FGD3: variants seen among roughly 807,000 people sequenced by gnomAD.
FGD3 encodes FYVE, RhoGEF and PH domain-containing protein 3.
Under a neutral mutation model 71.8 loss-of-function variants are expected in FGD3, and 45 were observed. The observed-to-expected ratio is 0.63, with a 90% CI of 0.49 to 0.80. FGD3 has a LOEUF of 0.80. Among genes scored for constraint, FGD3 ranks in the 30% least tolerant of loss-of-function variants. The pLI, the probability that FGD3 is intolerant of heterozygous loss-of-function variation, is 0.00. For synonymous variants in FGD3, 378 were observed against 392.8 expected (o/e 0.96, Z 0.44); for missense variants, 844 against 951.5 (o/e 0.89, Z 1.49).
intron 3 of FGD3, among the ~76,000 whole-genome samples, chr9:93,002,546 C>T (rs1005448299): frequency 5.9e-5 from 9 of 152,130 alleles, no homozygotes; most frequent in African/African-American, 2.2e-4. Context: ...CTTTTCTTGG[C>T]TTTATAATGG....
At chr9:92,995,665 T>C (rs1001025568) in intron 3 of FGD3, among the ~76,000 whole-genome samples, 3 of 152,256 alleles carry the variant, frequency 2.0e-5, no homozygotes, top group African/African-American at 7.2e-5. Flanking sequence ...ATCTAGTTTA[T>C]CAAGAGTTTT....
At chr9:92,987,693 G>A (rs537694217) in intron 3 of FGD3, among the ~76,000 whole-genome samples, 119 of 152,144 alleles carry the variant, frequency 7.8e-4, no homozygotes, top group Admixed American at 6.7e-3. Flanking sequence ...TGATTCTTTC[G>A]TGTGGTGGGC....
intron 3 of FGD3, among the ~76,000 whole-genome samples, chr9:92,998,810 T>C (rs1860745814): frequency 6.6e-6 from 1 of 152,194 alleles, no homozygotes; most frequent in South Asian, 2.1e-4. Flanking sequence ...CAGCAAATGT[T>C]GCTGTCTGAT....
chr9:93,013,849 C>T lies in FGD3; in HGVS notation c.1036-3C>T, dbSNP rs753428290. ...TGGTGCCTGAGTCCCATGTCTCTTGCAGGAGAAAATGCACAAGCTCTTGGA... is the reference window on the plus strand; with the variant it reads ...TGGTGCCTGAGTCCCATGTCTCTTGTAGGAGAAAATGCACAAGCTCTTGGA... On this transcript the variant is annotated splice_polypyrimidine_tract_variant and splice_region_variant and intron_variant, in intron 8 of 17. Transcript: ENST00000375482. 10 of 1,612,452 alleles carry T rather than the reference C, an allele frequency of 6.2e-6. No individual in the cohort carries two copies. The Admixed American group carries it at 1.0e-4, about 16-fold the overall frequency.
intron 1 of FGD3, among the ~76,000 whole-genome samples, chr9:92,971,658 CT>C (rs1859539471): frequency 6.9e-6 from 1 of 145,508 alleles, no homozygotes; most frequent in South Asian, 2.2e-4. Context: ...TCACTGCAAC[CT>C]CCGCCTCCAG....
intron 9 of FGD3, among the ~76,000 whole-genome samples, chr9:93,014,706 A>T (rs1373421135): frequency 2.0e-5 from 3 of 152,038 alleles, no homozygotes; most frequent in African/African-American, 7.2e-5. Flanking sequence ...CAGTGGCTCA[A>T]TCTCGGCTCA....
rs1052236955 is a variant in FGD3, at chr9:93,015,739, C to A, written c.1185C>A (p.Phe395Leu). ...CACCTGTGCCATCCCTCTTGCAGTT[C>A]AACAGCATGATCCTTTACTGTGTGC... ...GTPQDRHLFLFNSMILYCVPK... is the reference protein window; with the variant it reads ...GTPQDRHLFLLNSMILYCVPK... The change falls in exon 10 of 18, where the codon TTC (phenylalanine) becomes TTA (leucine). Residue 395 changes from phenylalanine (F) to leucine (L), a missense_variant and splice_region_variant. Coordinates refer to ENST00000375482, the MANE Select transcript of FGD3 (RefSeq NM_001083536.2). The A allele has an allele frequency of 4.5e-5, 72 of 1,614,124 alleles. No individual in the cohort carries two copies. The highest frequency in any genetic ancestry group is 6.0e-5 in the Non-Finnish European group (71 of 1,179,982).
rs1462840131 is a variant in FGD3 at position 93,003,275 on chromosome 9, C to T, written c.543+261C>T. 6.6e-6 allele frequency among the ~76,000 whole-genome samples: 1 copy of T among 152,140 alleles called. No homozygotes were observed. The highest frequency in any genetic ancestry group is 2.4e-5 in the African/African-American group (1 of 41,422). On this transcript the variant is annotated intron_variant, in intron 4 of 17. Coordinates refer to ENST00000375482, the MANE Select transcript of FGD3 (RefSeq NM_001083536.2). This position sits in a 1 kb window ranked among gnomAD's most constrained non-coding sequence, Gnocchi z 4.1. ...TCCCGAGTAGCTGGGACTACAGGCA[C>T]ATGCCACCACGCCCAGCTAATTTTT... is the stretch of plus-strand genomic sequence containing the variant.
chr9:93,004,413 G>T (rs1039067628), intron 5 of FGD3, among the ~76,000 whole-genome samples: 6 of 152,186 alleles, frequency 3.9e-5, no homozygotes, highest in African/African-American at 1.4e-4. Context: ...ACTAAAATGA[G>T]GTTTGACATC....
intron 14 of FGD3, among the ~76,000 whole-genome samples, chr9:93,029,404 T>C (rs762869102): frequency 2.6e-5 from 4 of 152,128 alleles, no homozygotes; most frequent in African/African-American, 7.2e-5. Context: ...CCTATATTCA[T>C]CCATGTGGCG....
At chr9:93,006,934 A>G (rs1323255398) in intron 6 of FGD3, among the ~76,000 whole-genome samples, 1 of 151,042 alleles carries the variant, frequency 6.6e-6, no homozygotes, top group Non-Finnish European at 1.5e-5. Flanking sequence ...TCACTGTGTT[A>G]GCCAGGATGG....
At chr9:93,013,806 G>A in intron 8 of FGD3, 46 bp from the exon 9 acceptor site, 1 of 1,608,228 alleles carries the variant, frequency 6.2e-7, no homozygotes, top group South Asian at 1.1e-5. Flanking sequence ...TAGGTCACCA[G>A]CCACTCTCAC....
chr9:93,023,269 C>T (rs1020483977), intron 14 of FGD3, among the ~76,000 whole-genome samples: 2 of 152,198 alleles, frequency 1.3e-5, no homozygotes, highest in African/African-American at 4.8e-5. Flanking sequence ...CTGGCTGCCC[C>T]CTCCCATGAC....
At chr9:92,953,050 C>T (rs186218784) in intron 1 of FGD3, among the ~76,000 whole-genome samples, 30 of 152,236 alleles carry the variant, frequency 2.0e-4, no homozygotes, top group African/African-American at 5.8e-4. Flanking sequence ...GGAAAGGACC[C>T]GCACCTCCCT....
rs553302610 is a variant in FGD3, at chr9:92,955,290, T to G, written c.-218+7561T>G. Among the ~76,000 whole-genome samples the G allele has an allele frequency of 4.6e-5, 7 of 152,102 alleles. No individual in the cohort carries two copies. The South Asian group carries it at 1.2e-3, about 27-fold the overall frequency. On this transcript the variant is annotated intron_variant, in intron 1 of 17. Coordinates refer to ENST00000375482, the MANE Select transcript of FGD3 (RefSeq NM_001083536.2). ...TGGCTCACACCTGTAATCCCAGCACTTTGGGAGGCTGAGGTGGGCGGATCA... is the reference window on the plus strand; with the variant it reads ...TGGCTCACACCTGTAATCCCAGCACGTTGGGAGGCTGAGGTGGGCGGATCA...
intron 1 of FGD3, among the ~76,000 whole-genome samples, chr9:92,967,829 T>C (rs1859386254): frequency 6.6e-6 from 1 of 152,198 alleles, no homozygotes; most frequent in Non-Finnish European, 1.5e-5. Flanking sequence ...CGCCTCGGCC[T>C]CCCAAGATGC....
intron 1 of FGD3, among the ~76,000 whole-genome samples, chr9:92,971,561 CTTTT>C (rs1859531079): frequency 1.6e-5 from 1 of 63,246 alleles, no homozygotes; most frequent in Admixed American, 2.1e-4. Flanking sequence ...CTTTTCTTTT[CTTTT>C]CTTTTTTTTT....
intron 10 of FGD3, among the ~76,000 whole-genome samples, chr9:93,016,331 CCTT>C (rs1332527573): frequency 6.8e-6 from 1 of 146,024 alleles, no homozygotes; most frequent in African/African-American, 2.5e-5. Flanking sequence ...TCCAGAATGA[CCTT>C]CTTTTTTTTT....
intron 8 of FGD3, among the ~76,000 whole-genome samples, chr9:93,012,082 A>T (rs1450714053): frequency 6.8e-6 from 1 of 148,116 alleles, no homozygotes; most frequent in Non-Finnish European, 1.5e-5. Context: ...TGAACCTGGG[A>T]GGCGGAGCTT....
Sources: gnomAD v4.1 joint callset for allele counts (sites outside exome capture counted in the v4.1 genomes callset) on GRCh38, gnomAD v4.1.1 for gene constraint, Gnocchi (gnomAD v3.1) non-coding constraint, MANE v1.5 for transcripts, NCBI Gene and HGNC (gene_info 2026-07-23, HGNC 2026-07-21) for gene names.